The following CDH2 variants were observed in gnomAD, a reference collection of about 807,000 sequenced individuals.
The protein encoded by CDH2 is cadherin-2.
CDH2 carries 17 observed loss-of-function variants against 92.0 expected under a neutral mutation model. That is an observed-to-expected ratio of 0.18 (90% CI 0.13 to 0.28). The LOEUF is 0.28. Among genes scored for constraint, CDH2 ranks in the 10% least tolerant of loss-of-function variants. The pLI, the probability that CDH2 is intolerant of heterozygous loss-of-function variation, is 1.00. For synonymous variants in CDH2, 419 were observed against 415.9 expected (o/e 1.01, Z -0.09); for missense variants, 862 against 1,133.1 (o/e 0.76, Z 3.44).
chr18:27,989,716 C>T (rs559058223), intron 10 of CDH2, among the ~76,000 whole-genome samples: 2 of 152,282 alleles, frequency 1.3e-5, no homozygotes, highest in African/African-American at 4.8e-5. Flanking sequence ...CATAAGCTTT[C>T]TTTCCTTCAT....
At chr18:28,041,514 A>G (rs1359814219) in intron 2 of CDH2, among the ~76,000 whole-genome samples, 1 of 152,242 alleles carries the variant, frequency 6.6e-6, no homozygotes, top group East Asian at 1.9e-4. Flanking sequence ...ATGAACAGTC[A>G]GCAGGCAACT....
intron 2 of CDH2, among the ~76,000 whole-genome samples, chr18:28,041,045 G>T (rs2013938396): frequency 6.6e-6 from 1 of 152,154 alleles, no homozygotes; most frequent in Admixed American, 6.5e-5. Flanking sequence ...CCAAATCCTG[G>T]TATGGTTCTT....
At chr18:27,938,068 G>T (rs896613875) in intron 6 of CDH2, among the ~76,000 whole-genome samples, 2 of 151,960 alleles carry the variant, frequency 1.3e-5, no homozygotes, top group East Asian at 3.9e-4. Context: ...CCTCGCGATA[G>T]TGAGTTCTTG....
chr18:28,083,440 T>A (rs1315564829), intron 2 of CDH2, among the ~76,000 whole-genome samples: 1 of 152,112 alleles, frequency 6.6e-6, no homozygotes, highest in Non-Finnish European at 1.5e-5. Context: ...AAGAAATTGT[T>A]TTAAAAATCT....
At chr18:27,992,380 C>G (rs902803584) in intron 9 of CDH2, among the ~76,000 whole-genome samples, 1 of 147,850 alleles carries the variant, frequency 6.8e-6, no homozygotes, top group African/African-American at 2.7e-5. Context: ...AACTCTCACT[C>G]AAAACTCTCA....
chr18:28,074,068 T>C (rs530320161), intron 2 of CDH2, among the ~76,000 whole-genome samples: 1 of 152,220 alleles, frequency 6.6e-6, no homozygotes, highest in Non-Finnish European at 1.5e-5. Context: ...AAAATTAATT[T>C]TTGGTTTTTA....
At chr18:27,992,598 T>A in intron 9 of CDH2, 57 bp downstream of exon 9, 1 of 1,387,024 alleles carries the variant, frequency 7.2e-7, no homozygotes, top group South Asian at 1.4e-5. Context: ...GTGGGGGACA[T>A]ATATTGGTCC....
chr18:28,040,755 G>A (rs1423346074), intron 2 of CDH2, among the ~76,000 whole-genome samples: 1 of 152,110 alleles, frequency 6.6e-6, no homozygotes, highest in South Asian at 2.1e-4. Flanking sequence ...TACCAAATGG[G>A]TGACTCCCAT....
At chr18:28,062,402 A>G (rs1044553629) in intron 2 of CDH2, among the ~76,000 whole-genome samples, 3 of 152,118 alleles carry the variant, frequency 2.0e-5, no homozygotes, top group Admixed American at 6.5e-5. Context: ...CAATATATTC[A>G]GCTGGAGTCA....
intron 2 of CDH2, among the ~76,000 whole-genome samples, chr18:28,130,225 C>G (rs2015743897): frequency 1.3e-5 from 2 of 152,148 alleles, no homozygotes. Context: ...TGAGCAAGTC[C>G]TGGCTGGTCA....
chr18:28,007,187 T>A lies in CDH2; in HGVS notation c.703-1194A>T, dbSNP rs1276302771. Among the ~76,000 whole-genome samples the A allele has an allele frequency of 4.2e-5, 6 of 144,528 alleles. 1 individual carries two copies. Among genetic ancestry groups the A allele is most frequent in the African/African-American group, 1.3e-4 (5 of 39,010 alleles). The allele number at this position is 144,528 out of a possible 152,430, so 94.8% of individuals were successfully genotyped here. A position where few individuals can be genotyped will look rare whatever the true frequency, so the allele number is the denominator to read the frequency against. ...AAAAATATATATATATATATATATA[T>A]ATATATACGAGTATATACGATAGCT... On this transcript the variant is annotated intron_variant, in intron 5 of 15. Coordinates refer to ENST00000269141, the MANE Select transcript of CDH2 (RefSeq NM_001792.5).
In CDH2 at chr18:28,176,945, G is replaced by A; in HGVS notation, c.60+18C>T. The stretch of plus-strand genomic sequence containing the variant: ...CCCCACCCCGCCCGTGGCCCGGCCC[G>A]CGGGGACCGCCGCGTACCTGAAGCA... On this transcript the variant is annotated intron_variant, in intron 1 of 15. Coordinates refer to ENST00000269141, the MANE Select transcript of CDH2 (RefSeq NM_001792.5). 3.3e-6 allele frequency: 4 copies of A among 1,211,890 alleles called. No individual in the cohort carries two copies. The highest frequency in any genetic ancestry group is 2.1e-6 in the Non-Finnish European group (2 of 946,548). 75.1% of individuals were successfully genotyped at this position (1,211,890 alleles called of 1,614,324 possible).
intron 2 of CDH2, among the ~76,000 whole-genome samples, chr18:28,045,765 G>A (rs778720946): frequency 2.4e-4 from 37 of 152,260 alleles, no homozygotes; most frequent in South Asian, 1.0e-3. Flanking sequence ...TTCCCAAACC[G>A]AAGCTTCCTT....
At chr18:28,149,087 T>G (rs2016081832) in intron 1 of CDH2, among the ~76,000 whole-genome samples, 1 of 152,058 alleles carries the variant, frequency 6.6e-6, no homozygotes, top group Admixed American at 6.6e-5. Context: ...GAAGAACCAG[T>G]CCCCTAAAAA....
chr18:28,034,766 T>C (rs1477425475), intron 2 of CDH2, among the ~76,000 whole-genome samples: 3 of 152,072 alleles, frequency 2.0e-5, no homozygotes, highest in African/African-American at 7.2e-5. Flanking sequence ...CACCTTTTTT[T>C]GCATGAAACA....
chr18:28,056,149 A>G (rs568134051), intron 2 of CDH2, among the ~76,000 whole-genome samples: 1 of 152,144 alleles, frequency 6.6e-6, no homozygotes, highest in Non-Finnish European at 1.5e-5. Context: ...AGAAAGAAGT[A>G]TAAGGCCAAT....
intron 1 of CDH2, among the ~76,000 whole-genome samples, chr18:28,158,868 T>C (rs751229468): frequency 2.1e-4 from 32 of 152,352 alleles, no homozygotes; most frequent in Non-Finnish European, 3.7e-4. Flanking sequence ...AAAGGCACAA[T>C]GCTACTCTTC....
intron 2 of CDH2, among the ~76,000 whole-genome samples, chr18:28,034,525 T>C (rs1345794003): frequency 6.6e-6 from 1 of 152,094 alleles, no homozygotes; most frequent in Non-Finnish European, 1.5e-5. Context: ...AGAGCAGCAA[T>C]TGCTGCAGAT....
chr18:28,122,501 T>C (rs963595468), intron 2 of CDH2, among the ~76,000 whole-genome samples: 2 of 152,156 alleles, frequency 1.3e-5, no homozygotes, highest in African/African-American at 4.8e-5. Flanking sequence ...TAAATTAAGT[T>C]AGCTAAGTTG....
Sources: gnomAD v4.1 joint callset for allele counts (sites outside exome capture counted in the v4.1 genomes callset) on GRCh38, gnomAD v4.1.1 for gene constraint, MANE v1.5 for transcripts, NCBI Gene and HGNC (gene_info 2026-07-23, HGNC 2026-07-21) for gene names.